The following LRRTM4 variants were observed in gnomAD, a reference collection of about 807,000 sequenced individuals.
LRRTM4 encodes the protein leucine rich repeat transmembrane neuronal 4, also known as leucine-rich repeat transmembrane neuronal protein 4.
Under a neutral mutation model 47.6 loss-of-function variants are expected in LRRTM4, and 25 were observed. The observed-to-expected ratio is 0.53, with a 90% CI of 0.38 to 0.73. The LOEUF (loss-of-function observed/expected upper bound fraction) is 0.73. Among genes scored for constraint, LRRTM4 ranks in the 30% least tolerant of loss-of-function variants. The probability of loss-of-function intolerance (pLI) is 0.00; values close to 1 mark genes in which losing one functional copy is unlikely to be tolerated. For synonymous variants in LRRTM4, 311 were observed against 269.5 expected, an observed-to-expected ratio of 1.15 and a Z score of -1.51; for missense variants, 638 against 713.4, an observed-to-expected ratio of 0.89 and a Z score of 1.20.
intron 3 of LRRTM4, among the ~76,000 whole-genome samples, chr2:77,160,950 A>T (rs1174699373): frequency 6.6e-6 from 1 of 152,134 alleles, no homozygotes; most frequent in Non-Finnish European, 1.5e-5. Context: ...TTCCTGTCCT[A>T]GTTCCATGGC....
intron 3 of LRRTM4, among the ~76,000 whole-genome samples, chr2:76,805,694 C>T (rs563307653): frequency 1.3e-5 from 2 of 152,228 alleles, no homozygotes; most frequent in Admixed American, 6.5e-5. Flanking sequence ...ATACTAATGA[C>T]GCATACCATG....
chr2:76,795,303 G>A (rs575379458), intron 3 of LRRTM4, among the ~76,000 whole-genome samples: 1 of 152,024 alleles, frequency 6.6e-6, no homozygotes, highest in African/African-American at 2.4e-5. Flanking sequence ...ACAATATCTT[G>A]TTTTGAAATA....
At chr2:77,153,461 A>C (rs1267162372) in intron 3 of LRRTM4, among the ~76,000 whole-genome samples, 1 of 152,192 alleles carries the variant, frequency 6.6e-6, no homozygotes, top group Non-Finnish European at 1.5e-5. Flanking sequence ...GCAAAAAATA[A>C]AGTGAGTCAT....
At chr2:77,007,374 A>G (rs1289009450) in intron 3 of LRRTM4, among the ~76,000 whole-genome samples, 1 of 152,176 alleles carries the variant, frequency 6.6e-6, no homozygotes, top group Admixed American at 6.5e-5. Flanking sequence ...TAGCAATTTA[A>G]AAAGATCAAT....
intron 3 of LRRTM4, among the ~76,000 whole-genome samples, chr2:77,509,478 A>G (rs1270355657): frequency 6.6e-6 from 1 of 152,122 alleles, no homozygotes; most frequent in Admixed American, 6.6e-5. Flanking sequence ...TGGTACCCAA[A>G]CTAAATTACA....
At chr2:77,505,656 G>C (rs184523585) in intron 3 of LRRTM4, among the ~76,000 whole-genome samples, 2 of 151,440 alleles carry the variant, frequency 1.3e-5, no homozygotes, top group East Asian at 3.9e-4. Flanking sequence ...AATTATTTTT[G>C]AACTAAAAAT....
intron 3 of LRRTM4, among the ~76,000 whole-genome samples, chr2:77,050,494 C>T (rs942306584): frequency 1.3e-5 from 2 of 152,066 alleles, no homozygotes; most frequent in African/African-American, 4.8e-5. Context: ...CTTTAAAGAT[C>T]CACGTGTCAG....
chr2:77,463,742 T>C (rs1676876507), intron 3 of LRRTM4, among the ~76,000 whole-genome samples: 1 of 152,142 alleles, frequency 6.6e-6, no homozygotes, highest in Admixed American at 6.6e-5. Flanking sequence ...GTGATGTACA[T>C]ATTTTATCAT....
chr2:76,984,167 TCTGA>T lies in LRRTM4; in HGVS notation c.1552-235255_1552-235252del, dbSNP rs910632707. On this transcript the variant is annotated intron_variant, in intron 3 of 3. Coordinates refer to ENST00000409884, the MANE Select transcript of LRRTM4 (RefSeq NM_001134745.3). ...AGACACACAAAACAGAAGAAAATCA[TCTGA>T]CTGAGAATTAAGATACTGTGATACA... Among the ~76,000 whole-genome samples, 546 of 152,046 alleles carry T rather than the reference TCTGA, an allele frequency of 3.6e-3. 2 individuals are homozygous for T. The highest frequency in any genetic ancestry group is 0.012 in the African/African-American group (513 of 41,534).
intron 3 of LRRTM4, among the ~76,000 whole-genome samples, chr2:76,938,566 G>T (rs568757535): frequency 6.6e-6 from 1 of 152,010 alleles, no homozygotes; most frequent in Non-Finnish European, 1.5e-5. Flanking sequence ...TTAATGAGCT[G>T]AATTATAATA....
In LRRTM4 at chr2:77,465,950, TATG is replaced by T. The variant is rs1392358414; in HGVS notation, c.1551+52365_1551+52367del. On this transcript the variant is annotated intron_variant, in intron 3 of 3. Coordinates refer to ENST00000409884, the MANE Select transcript of LRRTM4 (RefSeq NM_001134745.3). ...AAAGCAGCAGGCTTCTCAAATGCAA[TATG>T]GACTGTTTTTCCTTTGCACTTCTGT... 7.9e-3 allele frequency among the ~76,000 whole-genome samples: 1,202 copies of T among 152,254 alleles called. 5 individuals are homozygous for T. Among genetic ancestry groups the T allele is most frequent in the Non-Finnish European group, 0.012 (786 of 68,010 alleles).
At chr2:77,521,501 G>T (rs1302968814) in intron 2 of LRRTM4, among the ~76,000 whole-genome samples, 167 bp downstream of exon 2, 1 of 151,640 alleles carries the variant, frequency 6.6e-6, no homozygotes, top group Non-Finnish European at 1.5e-5. Flanking sequence ...CTGCAAAAAG[G>T]AAAATGATCT....
chr2:76,990,355 C>T (rs1314979354), intron 3 of LRRTM4, among the ~76,000 whole-genome samples: 1 of 151,598 alleles, frequency 6.6e-6, no homozygotes, highest in Non-Finnish European at 1.5e-5. Flanking sequence ...TTAAAAGGTA[C>T]AGAGTAAGTT....
chr2:77,458,059 T>C (rs1676629548), intron 3 of LRRTM4, among the ~76,000 whole-genome samples: 1 of 152,192 alleles, frequency 6.6e-6, no homozygotes, highest in Non-Finnish European at 1.5e-5. Flanking sequence ...AGCATTGGTT[T>C]GAATCCGTAG....
chr2:76,826,442 C>T (rs1356919034), intron 3 of LRRTM4, among the ~76,000 whole-genome samples: 1 of 151,356 alleles, frequency 6.6e-6, no homozygotes, highest in East Asian at 1.9e-4. Context: ...AAGCTTGACA[C>T]TATTAAGGGC....
In LRRTM4 at chr2:77,092,389, C is replaced by T. The variant is rs796794049; in HGVS notation, c.1552-343473G>A. On this transcript the variant is annotated intron_variant, in intron 3 of 3. Transcript: ENST00000409884. ...GTGGTTCCACCAGGCCTAATTGCCA[C>T]ACACCAGCAAAGGCAGGTTATGCTA... Among the ~76,000 whole-genome samples, 7 of 150,666 alleles carry T rather than the reference C, an allele frequency of 4.6e-5. No homozygotes were observed. The South Asian group carries it at 1.5e-3, about 32-fold the overall frequency.
rs1330535942 is a variant in LRRTM4, at chr2:77,119,986, A to G, written c.1552-371070T>C. Among the ~76,000 whole-genome samples the G allele has an allele frequency of 4.0e-5, 6 of 151,754 alleles. No homozygotes were observed. In the East Asian group the frequency reaches 5.8e-4, roughly 15 times the overall value. Reference sequence around the variant, plus strand: ...TCAATGCCCTAACACATAAATACCTATGCTTTGCTCGTGGAAACTGTGCTA... The same window carrying G: ...TCAATGCCCTAACACATAAATACCTGTGCTTTGCTCGTGGAAACTGTGCTA... On this transcript the variant is annotated intron_variant, in intron 3 of 3. Coordinates refer to ENST00000409884, the MANE Select transcript of LRRTM4 (RefSeq NM_001134745.3).
At chr2:77,466,531 T>C (rs543599200) in intron 3 of LRRTM4, among the ~76,000 whole-genome samples, 8 of 152,280 alleles carry the variant, frequency 5.3e-5, no homozygotes, top group Admixed American at 4.6e-4. Context: ...ATCTATTTTA[T>C]ATTATTAGCA....
At chr2:77,008,902 A>T (rs1419003162) in intron 3 of LRRTM4, 1 of 151,488 alleles carries the variant, frequency 6.6e-6, no homozygotes, top group Non-Finnish European at 1.5e-5. Flanking sequence ...TGTATCATAC[A>T]GTATGCTAGG....
Sources: allele counts gnomAD v4.1 joint callset (sites outside exome capture counted in the v4.1 genomes callset), GRCh38; gene constraint gnomAD v4.1.1; transcripts MANE v1.5; gene names NCBI Gene and HGNC (gene_info 2026-07-23, HGNC 2026-07-21).